CEP170B: variants seen among roughly 807,000 people sequenced by gnomAD.
CEP170B encodes the protein centrosomal protein of 170 kDa protein B.
A neutral mutation model predicts 120.6 loss-of-function variants in CEP170B; 55 were observed. The ratio of observed to expected loss-of-function variants is 0.46; its 90% CI spans 0.37 to 0.57. The LOEUF is 0.57. CEP170B is among the 20% of genes least tolerant of loss of function. CEP170B has a pLI of 0.00. For synonymous variants in CEP170B, 1,033 were observed against 954.5 expected, an observed-to-expected ratio of 1.08 and a Z score of -1.52; for missense variants, 2,212 against 2,253.3, an observed-to-expected ratio of 0.98 and a Z score of 0.37.
At chr14:104,882,606 C>T (rs1241524678) in intron 6 of CEP170B, 122 bp from the exon 7 acceptor site, 27 of 724,460 alleles carry the variant, frequency 3.7e-5, no homozygotes, top group Non-Finnish European at 6.0e-5. Flanking sequence ...TGCCACAGGG[C>T]CAAGCTGGGA....
At position 104,895,099 on chromosome 14, in the gene CEP170B, C is replaced by CAG; in HGVS notation, c.*141_*142insAG. Reference sequence around the variant, plus strand: ...TATCCCTGTGGGCGGGTGCCTCCCACGCCCTTGCCCCCTCGTCAGCTCCCA... The same window carrying CAG: ...TATCCCTGTGGGCGGGTGCCTCCCACAGGCCCTTGCCCCCTCGTCAGCTCCCA... On this transcript the variant is annotated 3_prime_UTR_variant, in exon 19 of 19. Transcript: ENST00000414716. The CAG allele has an allele frequency of 2.1e-6, 2 of 960,282 alleles. No individual in the cohort carries two copies. Among genetic ancestry groups the CAG allele is most frequent in the Non-Finnish European group, 3.0e-6 (2 of 671,530 alleles). 59.5% of individuals were successfully genotyped at this position (960,282 alleles called of 1,614,324 possible). A position where few individuals can be genotyped will look rare whatever the true frequency, so the allele number is the denominator to read the frequency against.
At chr14:104,890,231 TGAATAGGA>T (rs1896746820) in intron 13 of CEP170B, among the ~76,000 whole-genome samples, 5 of 113,102 alleles carry the variant, frequency 4.4e-5, no homozygotes, top group South Asian at 3.1e-4. Flanking sequence ...GATGGATGGA[TGAATAGGA>T]GGGTGGGTGG....
intron 5 of CEP170B, 120 bp downstream of exon 5, chr14:104,878,621 C>G (rs993049435): frequency 2.8e-6 from 3 of 1,083,902 alleles, no homozygotes; most frequent in Non-Finnish European, 4.0e-6. Context: ...GCGCCCTGTT[C>G]AGGCTGCGGG....
Position 104,887,922 on chromosome 14 carries a change from C to A in CEP170B, c.3683C>A (p.Thr1228Lys). ...AAGGCTGCCAACACAGCCACCACCA[C>A]GGGTCCCCGCCAGCCCTTCAGCAGG... Reference protein sequence around the residue: ...SRKAANTATTTGPRQPFSRAR... With the variant: ...SRKAANTATTKGPRQPFSRAR... Residue 1228 changes from threonine (T) to lysine (K), a missense_variant, in exon 12 of 19, where the codon ACG becomes AAG. Transcript: ENST00000414716. 3 of 1,546,108 alleles carry A rather than the reference C, an allele frequency of 1.9e-6. No individual in the cohort carries two copies. The highest frequency in any genetic ancestry group is 2.4e-5 in the South Asian group (2 of 84,320).
chr14:104,869,003 A>G (rs557397772), intron 2 of CEP170B, among the ~76,000 whole-genome samples: 65 of 152,252 alleles, frequency 4.3e-4, no homozygotes, highest in Non-Finnish European at 5.1e-4. Context: ...TCTTGGTCCC[A>G]GCTGCACCCT....
intron 12 of CEP170B, among the ~76,000 whole-genome samples, chr14:104,888,860 G>A (rs1489125869): frequency 6.6e-6 from 1 of 152,246 alleles, no homozygotes; most frequent in East Asian, 1.9e-4. Context: ...AGGAAGGGGT[G>A]GGGCGGGGCC....
intron 11 of CEP170B, 71 bp from the exon 12 acceptor site, chr14:104,886,204 G>C: frequency 2.2e-5 from 33 of 1,472,438 alleles, no homozygotes; most frequent in Non-Finnish European, 3.0e-5. Context: ...ACGGACACAG[G>C]CTGCCTCTTC....
Position 104,886,507 on chromosome 14 carries a change from C to A in CEP170B, c.2268C>A (p.Gly756=). The A allele has an allele frequency of 6.6e-7, 1 of 1,505,094 alleles. No homozygotes were observed. The highest frequency in any genetic ancestry group is 2.3e-5 in the Admixed American group (1 of 43,130). The allele number at this position is 1,505,094 out of a possible 1,614,324, so 93.2% of individuals were successfully genotyped here. A position where few individuals can be genotyped will look rare whatever the true frequency, so the allele number is the denominator to read the frequency against. The change falls in exon 12 of 19, where the codon GGC becomes GGA. Residue 756 remains glycine, a synonymous_variant. Transcript: ENST00000414716. ...SLSDASGSDG[G]RGPEPGVEPQ... is the part of the protein sequence containing the mutation. ...GCGATGCCAGTGGGTCGGACGGGGG[C>A]CGAGGCCCCGAGCCAGGGGTGGAGC...
chr14:104,896,678 C>T lies in CEP170B; in HGVS notation c.*1720C>T, dbSNP rs762786127. 5.9e-5 allele frequency: 27 copies of T among 455,928 alleles called. No homozygotes were observed. The highest frequency in any genetic ancestry group is 9.3e-5 in the Non-Finnish European group (21 of 226,888). 28.2% of individuals were successfully genotyped at this position (455,928 alleles called of 1,614,324 possible). On this transcript the variant is annotated 3_prime_UTR_variant, in exon 19 of 19. Transcript: ENST00000414716. ...CTCAGGTGGTCTTGTGGCTGTCTTT[C>T]GGAAAATGGTTATTTTATATGATTT...
rs764221176 is a variant in CEP170B, at chr14:104,883,815, C to T, written c.1052-16C>T. 3.2e-5 allele frequency: 48 copies of T among 1,519,632 alleles called. No individual in the cohort carries two copies. The highest frequency in any genetic ancestry group is 4.1e-5 in the Non-Finnish European group (46 of 1,131,524). 94.1% of individuals were successfully genotyped at this position (1,519,632 alleles called of 1,614,324 possible). ...TTCTCTCGGCCTGACAAGGTGGGGT[C>T]CCCTGTCTCCCCCAGGCCACAAGCA... On this transcript the variant is annotated splice_polypyrimidine_tract_variant and intron_variant, in intron 8 of 18. Transcript: ENST00000414716.
chr14:104,876,349 A>G lies in CEP170B; in HGVS notation c.195+4A>G, dbSNP rs1364427091. On this transcript the variant is annotated splice_donor_region_variant and intron_variant, in intron 3 of 18. Transcript: ENST00000414716. ...GGACCTGGGCAGCCTCAATGGGGTA[A>G]GTGTGAGAGGCCCTGGCCTGGCCTT... 1 of 1,550,702 alleles carries G rather than the reference A, an allele frequency of 6.4e-7. No homozygotes were observed. The highest frequency in any genetic ancestry group is 8.7e-7 in the Non-Finnish European group (1 of 1,146,706).
chr14:104,883,377 T>C lies in CEP170B; in HGVS notation c.920T>C (p.Met307Thr). 1.9e-6 allele frequency: 3 copies of C among 1,604,984 alleles called. No individual in the cohort carries two copies. Among genetic ancestry groups the C allele is most frequent in the Non-Finnish European group, 1.7e-6 (2 of 1,176,944 alleles). ...PPGKEATPGE[M>T]VSAETKVADW... ...GGCAAGGAGGCCACACCTGGCGAGATGGTGTCGGCTGAGACCAAGGTGGCC... is the reference window on the plus strand; with the variant it reads ...GGCAAGGAGGCCACACCTGGCGAGACGGTGTCGGCTGAGACCAAGGTGGCC... Residue 307 changes from methionine to threonine, a missense_variant, in exon 8 of 19, where the codon ATG (methionine) becomes ACG (threonine). Physicochemically the swap from Met to Thr is moderately conservative, Grantham distance 81. Coordinates refer to ENST00000414716, the MANE Select transcript of CEP170B (RefSeq NM_001112726.3).
rs1896591552 is a variant in CEP170B at position 104,887,566 on chromosome 14, G to C, written c.3327G>C (p.Leu1109Phe). 6.2e-7 allele frequency: 1 copy of C among 1,600,178 alleles called. No individual in the cohort carries two copies. ...GCTCCCAGAAGGGGCCGCAGGCCTT[G>C]ACCCGCTCCAACAGCCTGTCCACCC... ...SASSQKGPQA[L>F]TRSNSLSTPR... The change falls in exon 12 of 19, where the codon TTG (leucine) becomes TTC (phenylalanine). Residue 1109 changes from leucine (L) to phenylalanine (F), a missense_variant. Leu to Phe is a conservative substitution (Grantham distance 22, BLOSUM62 0). Around this residue, in one of 2 missense-constraint regions of CEP170B, gnomAD observed 2,166 missense variants for 2,166.7 expected, o/e 1.00. Transcript: ENST00000414716.
chr14:104,873,886 G>A (rs1230996714), intron 2 of CEP170B, among the ~76,000 whole-genome samples: 3 of 152,178 alleles, frequency 2.0e-5, no homozygotes, highest in African/African-American at 7.2e-5. Flanking sequence ...CTTTCTCTGA[G>A]ACAGCAGCAG....
chr14:104,871,877 T>TAGAC (rs1173166267), intron 2 of CEP170B, among the ~76,000 whole-genome samples: 2 of 152,142 alleles, frequency 1.3e-5, no homozygotes, highest in Non-Finnish European at 2.9e-5. Flanking sequence ...CCACAGCAGG[T>TAGAC]AGACGGGTAG....
Position 104,868,578 on chromosome 14 carries a change from C to T in CEP170B, c.105+23C>T, listed in dbSNP as rs1369346500. The stretch of plus-strand genomic sequence containing the variant: ...CAGGTTTGCAGGGAGCGCTTGGGGC[C>T]AGGAGGGTAGGGGGTAGACAGTCTG... On this transcript the variant is annotated intron_variant, in intron 2 of 18. Transcript: ENST00000414716. This position sits in a 1 kb window ranked among gnomAD's most constrained non-coding sequence, Gnocchi z 5.9. 1.9e-6 allele frequency: 3 copies of T among 1,543,300 alleles called. No homozygotes were observed. The highest frequency in any genetic ancestry group is 1.4e-5 in the African/African-American group (1 of 72,918).
rs1044814004 is a variant in CEP170B, at chr14:104,885,605, G to A, written c.1944+63G>A. 4.0e-6 allele frequency: 6 copies of A among 1,500,444 alleles called. No homozygotes were observed. In the African/African-American group the frequency reaches 8.5e-5, roughly 21 times the overall value. 92.9% of individuals were successfully genotyped at this position (1,500,444 alleles called of 1,614,324 possible). A position where few individuals can be genotyped will look rare whatever the true frequency, so the allele number is the denominator to read the frequency against. On this transcript the variant is annotated intron_variant, in intron 10 of 18. Transcript: ENST00000414716. Reference sequence around the variant, plus strand: ...CAGGAAGAGGGCAGCATCCAAGCCGGACCTGGGGTCAGCGGGCCCCCCATG... The same window carrying A: ...CAGGAAGAGGGCAGCATCCAAGCCGAACCTGGGGTCAGCGGGCCCCCCATG...
At chr14:104,884,575 C>A (rs1398357107) in intron 9 of CEP170B, 26 bp downstream of exon 9, 27 of 1,527,740 alleles carry the variant, frequency 1.8e-5, no homozygotes, top group African/African-American at 3.1e-5. Context: ...GAGTGAGAGC[C>A]CTCGTGGGGA....
rs777016637 is a variant in CEP170B, at chr14:104,886,060, C to A, written c.1965C>A (p.Ser655=). The A allele has an allele frequency of 2.6e-6, 4 of 1,544,410 alleles. No homozygotes were observed. The highest frequency in any genetic ancestry group is 3.5e-6 in the Non-Finnish European group (4 of 1,144,020). The part of the protein sequence containing the change: ...AEHQGLPVPG[S]PGGQKWVSRW... ...CACAGGGCCTCCCGGTGCCGGGCTC[C>A]CCTGGGGGTCAGAAGTGGGTGTCCC... is the stretch of plus-strand genomic sequence containing the variant. Residue 655 remains serine (S), a synonymous_variant, in exon 11 of 19, where the codon TCC becomes TCA. Transcript: ENST00000414716.
Sources: gnomAD v4.1 joint callset for allele counts (sites outside exome capture counted in the v4.1 genomes callset) on GRCh38, gnomAD v4.1.1 for gene constraint, gnomAD v4.1.1 regional missense constraint, Gnocchi (gnomAD v3.1) non-coding constraint, MANE v1.5 for transcripts, NCBI Gene and HGNC (gene_info 2026-07-23, HGNC 2026-07-21) for gene names.